PPL: variants seen among roughly 807,000 people sequenced by gnomAD.
The protein encoded by PPL is 190 kDa paraneoplastic pemphigus antigen.
Under a neutral mutation model 194.4 loss-of-function variants are expected in PPL, and 198 were observed. That is an observed-to-expected ratio of 1.02 (90% CI 0.91 to 1.15). PPL has a LOEUF of 1.15. PPL is among the 50% of genes most tolerant of loss of function. The probability of loss-of-function intolerance (pLI) is 0.00; values close to 1 mark genes in which losing one functional copy is unlikely to be tolerated. For synonymous variants in PPL, 1,220 were observed against 972.4 expected, an observed-to-expected ratio of 1.25 and a Z score of -4.74; for missense variants, 2,885 against 2,294.8, an observed-to-expected ratio of 1.26 and a Z score of -5.25.
Position 4,926,841 on chromosome 16 carries a change from T to C in PPL, c.62+10143A>G, listed in dbSNP as rs2089162084. 3.1e-5 allele frequency among the ~76,000 whole-genome samples: 4 copies of C among 128,326 alleles called. No individual in the cohort carries two copies. In the Admixed American group the frequency reaches 4.0e-4, roughly 13 times the overall value. 84.2% of individuals were successfully genotyped at this position (128,326 alleles called of 152,430 possible). On this transcript the variant is annotated intron_variant, in intron 1 of 21. Transcript: ENST00000345988. ...TTGCAGTGAGCTGAGATTGTGCCAC[T>C]GCACTCCAGCCTGGGCAACAGAGCA...
At chr16:4,893,760 G>A (rs968223044) in intron 12 of PPL, 122 bp from the exon 13 acceptor site, 58 of 743,288 alleles carry the variant, frequency 7.8e-5, no homozygotes, top group Non-Finnish European at 1.0e-4. Context: ...CCTTAGATGC[G>A]GACAGCAAGT....
In PPL at chr16:4,921,954, C is replaced by A. The variant is rs944878950; in HGVS notation, c.63-11005G>T. Among the ~76,000 whole-genome samples the A allele has an allele frequency of 1.7e-4, 26 of 151,692 alleles. 1 individual carries two copies. Among genetic ancestry groups the A allele is most frequent in the Non-Finnish European group, 8.8e-5 (6 of 67,912 alleles). On this transcript the variant is annotated intron_variant, in intron 1 of 21. Coordinates refer to ENST00000345988, the MANE Select transcript of PPL (RefSeq NM_002705.5). The stretch of plus-strand genomic sequence containing the variant: ...AGCTGGGACAGAGGTAGCACCCTGG[C>A]CTTGACACACCACCGATGCTCCACG...
At chr16:4,916,088 G>A (rs562819322) in intron 1 of PPL, among the ~76,000 whole-genome samples, 16 of 152,284 alleles carry the variant, frequency 1.1e-4, no homozygotes, top group South Asian at 8.3e-4. Context: ...TGGAACCCTC[G>A]TGCCTTGCTA....
intron 18 of PPL, among the ~76,000 whole-genome samples, 167 bp from the exon 19 acceptor site, chr16:4,889,228 TTTTG>T (rs766899293): frequency 0.043 from 3,954 of 91,848 alleles, 274 homozygotes; most frequent in African/African-American, 0.048. Flanking sequence ...AAGGCAGTTT[TTTTG>T]TTGTTGTTGT....
In PPL at chr16:4,884,283, C is replaced by T; in HGVS notation, c.4372G>A (p.Glu1458Lys). ...AGCTGGAGTCGGAGCAGGGCATGCT[C>T]TCGCGCCTGCTGCGGGTCCTGCTGC... ...VLQQDPQQAR[E>K]HALLRLQLEE... The change falls in exon 22 of 22, where the codon GAG (glutamate) becomes AAG (lysine). Residue 1458 changes from glutamate to lysine, a missense_variant. Glu to Lys is a moderately conservative substitution (Grantham distance 56). Transcript: ENST00000345988. The surrounding 1 kb of genome is among the most constrained non-coding windows in gnomAD (Gnocchi z 5.7). The T allele has an allele frequency of 6.2e-7, 1 of 1,612,890 alleles. No homozygotes were observed. Among genetic ancestry groups the T allele is most frequent in the Non-Finnish European group, 8.5e-7 (1 of 1,179,698 alleles).
chr16:4,895,104 G>A (rs959576039), intron 11 of PPL, among the ~76,000 whole-genome samples, 157 bp downstream of exon 11: 1 of 152,176 alleles, frequency 6.6e-6, no homozygotes, highest in African/African-American at 2.4e-5. Context: ...GCGGCATAGG[G>A]GTGCCAGTTG....
Position 4,884,195 on chromosome 16 carries a change from A to C in PPL, c.4460T>G (p.Leu1487Arg), listed in dbSNP as rs1829616801. 6.2e-7 allele frequency: 1 copy of C among 1,613,638 alleles called. No homozygotes were observed. Among genetic ancestry groups the C allele is most frequent in the Admixed American group, 1.7e-5 (1 of 59,978 alleles). Reference protein sequence around the residue: ...EGELETLRRKLAALEKAEVKE... With the variant: ...EGELETLRRKRAALEKAEVKE... ...GACCTCCGCCTTCTCCAGTGCAGCCAGTTTCCTCCGGAGGGTCTCGAGCTC... is the reference window on the plus strand; with the variant it reads ...GACCTCCGCCTTCTCCAGTGCAGCCCGTTTCCTCCGGAGGGTCTCGAGCTC... The change falls in exon 22 of 22, where the codon CTG becomes CGG. Residue 1487 changes from leucine (L) to arginine (R), a missense_variant. Coordinates refer to ENST00000345988, the MANE Select transcript of PPL (RefSeq NM_002705.5). The surrounding 1 kb of genome is among the most constrained non-coding windows in gnomAD (Gnocchi z 5.7).
chr16:4,920,327 G>A (rs1448069885), intron 1 of PPL, among the ~76,000 whole-genome samples: 2 of 64,856 alleles, frequency 3.1e-5, no homozygotes, highest in Admixed American at 1.9e-4. Flanking sequence ...AGAAAAGAAA[G>A]AAAGAAAGAG....
At chr16:4,897,627 G>C (rs1194232542) in intron 9 of PPL, 48 bp downstream of exon 9, 2 of 1,492,998 alleles carry the variant, frequency 1.3e-6, no homozygotes, top group African/African-American at 1.4e-5. Context: ...AGCGCTCTCA[G>C]AGAGTAGCAC....
chr16:4,893,999 T>C (rs2088370278), intron 12 of PPL, among the ~76,000 whole-genome samples: 2 of 152,190 alleles, frequency 1.3e-5, no homozygotes, highest in South Asian at 4.1e-4. Flanking sequence ...GCACCTACTT[T>C]GTACCAGGTA....
chr16:4,889,264 TTTTTTTTTTTG>T (rs2088277759), intron 18 of PPL, among the ~76,000 whole-genome samples: 2 of 129,590 alleles, frequency 1.5e-5, no homozygotes, highest in African/African-American at 6.1e-5. Flanking sequence ...TTTTTTTTTT[TTTTTTTTTTTG>T]AGACAGTCTC....
intron 1 of PPL, among the ~76,000 whole-genome samples, chr16:4,914,784 G>A (rs2088887321): frequency 6.6e-6 from 1 of 152,166 alleles, no homozygotes; most frequent in Admixed American, 6.5e-5. Context: ...GCTTTGGATG[G>A]AGGATCTCGG....
intron 1 of PPL, among the ~76,000 whole-genome samples, chr16:4,930,288 T>C (rs185239640): frequency 6.6e-6 from 1 of 152,266 alleles, no homozygotes; most frequent in African/African-American, 2.4e-5. Context: ...TCACTCCGCA[T>C]TGCTGCCAGC....
At chr16:4,899,792 A>G (rs150993750) in intron 6 of PPL, among the ~76,000 whole-genome samples, 1 of 152,358 alleles carries the variant, frequency 6.6e-6, no homozygotes, top group East Asian at 1.9e-4. Context: ...TTGGTGCTCA[A>G]CAAATATCAG....
At chr16:4,888,708 CTGCATTT>C in intron 19 of PPL, 1 of 447,274 alleles carries the variant, frequency 2.2e-6, no homozygotes, top group Non-Finnish European at 3.9e-6. Context: ...GTTGTTTATC[CTGCATTT>C]TTTTTTTTGT....
chr16:4,903,822 G>A, intron 3 of PPL, 64 bp downstream of exon 3: 1 of 1,587,376 alleles, frequency 6.3e-7, no homozygotes, highest in African/African-American at 1.3e-5. Flanking sequence ...TGCTGAACAG[G>A]ACCCCCCGCC....
intron 2 of PPL, among the ~76,000 whole-genome samples, chr16:4,908,687 ACAC>A (rs1165292968): frequency 1.3e-5 from 2 of 151,360 alleles, no homozygotes; most frequent in Admixed American, 1.3e-4. Context: ...ACAGGCACAC[ACAC>A]CACCACACCT....
At chr16:4,916,782 G>C (rs963537498) in intron 1 of PPL, among the ~76,000 whole-genome samples, 5 of 152,028 alleles carry the variant, frequency 3.3e-5, no homozygotes, top group Non-Finnish European at 7.3e-5. Context: ...TAGGATTACA[G>C]GCGTGAGCCA....
In PPL at chr16:4,903,905, C is replaced by A. The variant is rs1367903463; in HGVS notation, c.298G>T (p.Gly100Trp). The A allele has an allele frequency of 1.9e-6, 3 of 1,613,968 alleles. No individual in the cohort carries two copies. The highest frequency in any genetic ancestry group is 2.5e-6 in the Non-Finnish European group (3 of 1,180,050). The change falls in exon 3 of 22, where the codon GGG (glycine) becomes TGG (tryptophan). Residue 100 changes from glycine to tryptophan, a missense_variant. Coordinates refer to ENST00000345988, the MANE Select transcript of PPL (RefSeq NM_002705.5). ...ACCTACTCCTCGGCGATCATGTCCC[C>A]CTGTGGGTGCTTCATGTGCTTGGCA... is the stretch of plus-strand genomic sequence containing the variant. Reference protein sequence around the residue: ...AIAKHMKHPQGDMIAEDIRQL... With the variant: ...AIAKHMKHPQWDMIAEDIRQL...
Sources: gnomAD v4.1 joint callset for allele counts (sites outside exome capture counted in the v4.1 genomes callset) on GRCh38, gnomAD v4.1.1 for gene constraint, Gnocchi (gnomAD v3.1) non-coding constraint, MANE v1.5 for transcripts, NCBI Gene and HGNC (gene_info 2026-07-23, HGNC 2026-07-21) for gene names.